Variants in PPARA observed in about 807,000 individuals in gnomAD.
PPARA encodes peroxisome proliferator activated receptor alpha.
In PPARA, 22 loss-of-function variants were observed where a neutral mutation model predicts 42.2. The ratio of observed to expected loss-of-function variants is 0.52; its 90% CI spans 0.37 to 0.74. The LOEUF is 0.74. PPARA is among the 30% of genes least tolerant of loss of function. The probability of loss-of-function intolerance (pLI) is 0.00; values close to 1 mark genes in which losing one functional copy is unlikely to be tolerated. For missense variants in PPARA, 465 were observed against 608.2 expected, an observed-to-expected ratio of 0.76 and a Z score of 2.48; for synonymous variants, 242 against 239.3, an observed-to-expected ratio of 1.01 and a Z score of -0.10.
Position 46,241,532 on chromosome 22 carries a change from C to T in PPARA, c.*6152C>T, listed in dbSNP as rs1419570662. On this transcript the variant is annotated 3_prime_UTR_variant, in exon 9 of 9. Transcript: ENST00000407236. The surrounding 1 kb of genome is among the most constrained non-coding windows in gnomAD (Gnocchi z 5.7). ...TTATCACAAAAAGCCATGTGTGTGG[C>T]CTTATCAGAACAGAAAGAGACAGGC... The T allele has an allele frequency of 6.6e-6, 1 of 152,090 alleles. No homozygotes were observed. Among genetic ancestry groups the T allele is most frequent in the African/African-American group, 2.4e-5 (1 of 41,358 alleles). 9.4% of individuals were successfully genotyped at this position (152,090 alleles called of 1,614,324 possible). A position where few individuals can be genotyped will look rare whatever the true frequency, so the allele number is the denominator to read the frequency against.
rs1400051664 is a variant in PPARA at position 46,221,533 on chromosome 22, C to T, written c.711+1519C>T. 1.3e-5 allele frequency among the ~76,000 whole-genome samples: 2 copies of T among 152,232 alleles called. No homozygotes were observed. Among genetic ancestry groups the T allele is most frequent in the Non-Finnish European group, 2.9e-5 (2 of 68,046 alleles). On this transcript the variant is annotated intron_variant, in intron 7 of 8. Coordinates refer to ENST00000407236, the MANE Select transcript of PPARA (RefSeq NM_005036.6). This position sits in a 1 kb window ranked among gnomAD's most constrained non-coding sequence, Gnocchi z 5.9. ...GCCACTTGTAAGCCAGGCGTGGTGG[C>T]TCACGCCTGTCATCCCAGCACTTTG...
chr22:46,225,412 C>T lies in PPARA; in HGVS notation c.711+5398C>T, dbSNP rs1935339538. Reference sequence around the variant, plus strand: ...TTGACCTGTCAGGGGTTGAGAATGTCGTCAGAAGACTTTGGAGGAAGCAAC... The same window carrying T: ...TTGACCTGTCAGGGGTTGAGAATGTTGTCAGAAGACTTTGGAGGAAGCAAC... On this transcript the variant is annotated intron_variant, in intron 7 of 8. Transcript: ENST00000407236. The surrounding 1 kb of genome is among the most constrained non-coding windows in gnomAD (Gnocchi z 4.1). 6.6e-6 allele frequency among the ~76,000 whole-genome samples: 1 copy of T among 152,088 alleles called. No homozygotes were observed. The highest frequency in any genetic ancestry group is 1.5e-5 in the Non-Finnish European group (1 of 68,018).
chr22:46,172,172 T>C (rs135537), intron 2 of PPARA, among the ~76,000 whole-genome samples: 151,577 of 152,088 alleles, frequency 1, 75,537 homozygotes, highest in Middle Eastern at 1. Flanking sequence ...GGGTTCTCCT[T>C]CAGGTGAGGA....
At position 46,193,972 on chromosome 22, in the gene PPARA, A is replaced by G. The variant is rs926006511; in HGVS notation, c.-42-4370A>G. Among the ~76,000 whole-genome samples, 1 of 152,190 alleles carries G rather than the reference A, an allele frequency of 6.6e-6. No individual in the cohort carries two copies. ...TCTTCTCGATTAGCTGGACAGCGGC[A>G]TGTCATGTGGGTAATAGGAAGGGGT... On this transcript the variant is annotated intron_variant, in intron 3 of 8. Coordinates refer to ENST00000407236, the MANE Select transcript of PPARA (RefSeq NM_005036.6). The surrounding 1 kb of genome is among the most constrained non-coding windows in gnomAD (Gnocchi z 5.3).
rs892197742 is a variant in PPARA at position 46,224,537 on chromosome 22, G to C, written c.711+4523G>C. On this transcript the variant is annotated intron_variant, in intron 7 of 8. Transcript: ENST00000407236. This position sits in a 1 kb window ranked among gnomAD's most constrained non-coding sequence, Gnocchi z 5.7. ...CCCACATGCGGTCGCCGTTTCATCA[G>C]TTTCCAGCCTGGGTGACCTCACAGC... Among the ~76,000 whole-genome samples, 3 of 152,224 alleles carry C rather than the reference G, an allele frequency of 2.0e-5. No homozygotes were observed. Among genetic ancestry groups the C allele is most frequent in the South Asian group, 2.1e-4 (1 of 4,826 alleles).
Position 46,235,122 on chromosome 22 carries a change from T to C in PPARA, c.1160-11T>C. 1 of 1,613,970 alleles carries C rather than the reference T, an allele frequency of 6.2e-7. No individual in the cohort carries two copies. Among genetic ancestry groups the C allele is most frequent in the Non-Finnish European group, 8.5e-7 (1 of 1,179,856 alleles). ...TCACACTCAAACCTCTCTCTCTTCTTTCGAGACTAGATCGTCCTGGCCTTC... is the reference window on the plus strand; with the variant it reads ...TCACACTCAAACCTCTCTCTCTTCTCTCGAGACTAGATCGTCCTGGCCTTC... On this transcript the variant is annotated splice_polypyrimidine_tract_variant and intron_variant, in intron 8 of 8. Transcript: ENST00000407236. The surrounding 1 kb of genome is among the most constrained non-coding windows in gnomAD (Gnocchi z 7.0).
In PPARA at chr22:46,236,854, T is replaced by C. The variant is rs540068248; in HGVS notation, c.*1474T>C. 4 of 152,352 alleles carry C rather than the reference T, an allele frequency of 2.6e-5. No individual in the cohort carries two copies. The East Asian group carries it at 7.7e-4, about 29-fold the overall frequency. The allele number at this position is 152,352 out of a possible 1,614,324, so 9.4% of individuals were successfully genotyped here. A position where few individuals can be genotyped will look rare whatever the true frequency, so the allele number is the denominator to read the frequency against. Reference sequence around the variant, plus strand: ...GGTTTAGGTTGTTAAGTCTCCTTTGTATGTAAGGTAGTTTTTTCAACATCT... The same window carrying C: ...GGTTTAGGTTGTTAAGTCTCCTTTGCATGTAAGGTAGTTTTTTCAACATCT... On this transcript the variant is annotated 3_prime_UTR_variant, in exon 9 of 9. Coordinates refer to ENST00000407236, the MANE Select transcript of PPARA (RefSeq NM_005036.6). The surrounding 1 kb of genome is among the most constrained non-coding windows in gnomAD (Gnocchi z 5.2).
At chr22:46,155,032 A>G (rs1295358974) in intron 2 of PPARA, 1 of 140,388 alleles carries the variant, frequency 7.1e-6, no homozygotes, top group African/African-American at 2.7e-5. Context: ...AAAAAACCAC[A>G]TTAATTAAAA....
At chr22:46,198,251 A>AAAAAAAAG (rs1357897517) in intron 3 of PPARA, 91 bp from the exon 4 acceptor site, 46 of 465,454 alleles carry the variant, frequency 9.9e-5, no homozygotes, top group African/African-American at 2.8e-4. Context: ...AAAAAAAAAA[A>AAAAAAAAG]AAGAATAAAT....
At chr22:46,186,085 G>A (rs1026248887) in intron 3 of PPARA, among the ~76,000 whole-genome samples, 33 of 150,102 alleles carry the variant, frequency 2.2e-4, no homozygotes, top group African/African-American at 7.1e-4. Context: ...AAAAGTTAAA[G>A]GGAAAGGGCC....
In PPARA at chr22:46,170,912, AG is replaced by A. The variant is rs41497148; in HGVS notation, c.-126-5840del. Among the ~76,000 whole-genome samples the A allele has an allele frequency of 3.9e-4, 59 of 151,992 alleles. No homozygotes were observed. In the East Asian group the frequency reaches 8.7e-3, roughly 22 times the overall value. On this transcript the variant is annotated intron_variant, in intron 2 of 8. Coordinates refer to ENST00000407236, the MANE Select transcript of PPARA (RefSeq NM_005036.6). Reference sequence around the variant, plus strand: ...TGCAGTGGTTCACGCCTGTAATCCCAGCACTTTGGGAGGCCGAGACAGCAGA... The same window carrying A: ...TGCAGTGGTTCACGCCTGTAATCCCACACTTTGGGAGGCCGAGACAGCAGA...
chr22:46,197,328 G>T (rs745740230), intron 3 of PPARA, among the ~76,000 whole-genome samples: 2 of 152,086 alleles, frequency 1.3e-5, no homozygotes, highest in Non-Finnish European at 2.9e-5. Flanking sequence ...GGGATTACAG[G>T]TGTGAGCCAC....
In PPARA at chr22:46,200,428, C is replaced by T. The variant is rs534612444; in HGVS notation, c.208+1837C>T. Among the ~76,000 whole-genome samples the T allele has an allele frequency of 7.9e-5, 12 of 152,346 alleles. No individual in the cohort carries two copies. The South Asian group carries it at 1.0e-3, about 13-fold the overall frequency. On this transcript the variant is annotated intron_variant, in intron 4 of 8. Coordinates refer to ENST00000407236, the MANE Select transcript of PPARA (RefSeq NM_005036.6). The surrounding 1 kb of genome is among the most constrained non-coding windows in gnomAD (Gnocchi z 4.8). ...CTGTACAGCGTGTTACTGTACTGAA[C>T]GGCGTAGGCCCCTGTGACACAATGG...
Position 46,235,719 on chromosome 22 carries a change from C to T in PPARA, c.*339C>T, listed in dbSNP as rs1344173453. On this transcript the variant is annotated 3_prime_UTR_variant, in exon 9 of 9. Coordinates refer to ENST00000407236, the MANE Select transcript of PPARA (RefSeq NM_005036.6). The surrounding 1 kb of genome is among the most constrained non-coding windows in gnomAD (Gnocchi z 7.0). ...ATTTACCATTTAATTAACTGGTAACCTCAAAATTCGTGGCCTGTCTTCCCA... is the reference window on the plus strand; with the variant it reads ...ATTTACCATTTAATTAACTGGTAACTTCAAAATTCGTGGCCTGTCTTCCCA... The T allele has an allele frequency of 2.9e-6, 1 of 346,342 alleles. No homozygotes were observed. Among genetic ancestry groups the T allele is most frequent in the African/African-American group, 2.1e-5 (1 of 47,494 alleles). 21.5% of individuals were successfully genotyped at this position (346,342 alleles called of 1,614,324 possible). A position where few individuals can be genotyped will look rare whatever the true frequency, so the allele number is the denominator to read the frequency against.
At chr22:46,194,105 G>A (rs1931907177) in intron 3 of PPARA, among the ~76,000 whole-genome samples, 1 of 152,192 alleles carries the variant, frequency 6.6e-6, no homozygotes, top group Admixed American at 6.5e-5. Flanking sequence ...GCAGGTGCCC[G>A]TTTGGCCTCT....
chr22:46,199,494 A>G (rs1033193802), intron 4 of PPARA, among the ~76,000 whole-genome samples: 1 of 152,026 alleles, frequency 6.6e-6, no homozygotes, highest in African/African-American at 2.4e-5. Flanking sequence ...ATTAAAAAAA[A>G]TTAGCCAGGC....
rs1555935169 is a variant in PPARA, at chr22:46,174,249, AGAAG to A, written c.-126-2480_-126-2477del. 7.6e-4 allele frequency among the ~76,000 whole-genome samples: 9 copies of A among 11,880 alleles called. 1 individual carries two copies. The highest frequency in any genetic ancestry group is 4.1e-3 in the Non-Finnish European group (8 of 1,936). 7.8% of individuals were successfully genotyped at this position (11,880 alleles called of 152,430 possible). On this transcript the variant is annotated intron_variant, in intron 2 of 8. Coordinates refer to ENST00000407236, the MANE Select transcript of PPARA (RefSeq NM_005036.6). ...AAGAAAGAGAGAGAGAAAGAAAGAA[AGAAG>A]GAAGGAAGGAAGGAAGGAAGGAAAT... is the stretch of plus-strand genomic sequence containing the variant.
Position 46,215,186 on chromosome 22 carries a change from A to C in PPARA, c.222A>C (p.Pro74=), listed in dbSNP as rs762899167. ...CTTTTTCCCCAGACACGCTTTCACCAGCTTCGAGCCCCTCCTCGGTGACTT... is the reference window on the plus strand; with the variant it reads ...CTTTTTCCCCAGACACGCTTTCACCCGCTTCGAGCCCCTCCTCGGTGACTT... The part of the protein sequence containing the change: ...DGSVITDTLS[P]ASSPSSVTYP... Residue 74 remains proline, a synonymous_variant, in exon 5 of 9, where the codon CCA becomes CCC. Coordinates refer to ENST00000407236, the MANE Select transcript of PPARA (RefSeq NM_005036.6). 3 of 1,614,012 alleles carry C rather than the reference A, an allele frequency of 1.9e-6. No individual in the cohort carries two copies. The highest frequency in any genetic ancestry group is 2.5e-6 in the Non-Finnish European group (3 of 1,180,018).
In PPARA at chr22:46,150,815, C is replaced by G. The variant is rs1032271561; in HGVS notation, c.-210+163C>G. On this transcript the variant is annotated intron_variant, in intron 1 of 8. Coordinates refer to ENST00000407236, the MANE Select transcript of PPARA (RefSeq NM_005036.6). This position sits in a 1 kb window ranked among gnomAD's most constrained non-coding sequence, Gnocchi z 7.5. ...CTCGGGGTCTCCGGGTCCCGGGGAC[C>G]CGGGGGCCCGGGGTGCGCGGCTGGG... 2 of 150,874 alleles carry G rather than the reference C, an allele frequency of 1.3e-5. No homozygotes were observed. Among genetic ancestry groups the G allele is most frequent in the African/African-American group, 4.9e-5 (2 of 41,078 alleles). 9.3% of individuals were successfully genotyped at this position (150,874 alleles called of 1,614,324 possible). A position where few individuals can be genotyped will look rare whatever the true frequency, so the allele number is the denominator to read the frequency against.
Sources: gnomAD v4.1 joint callset for allele counts (sites outside exome capture counted in the v4.1 genomes callset) on GRCh38, gnomAD v4.1.1 for gene constraint, Gnocchi (gnomAD v3.1) non-coding constraint, MANE v1.5 for transcripts, NCBI Gene and HGNC (gene_info 2026-07-23, HGNC 2026-07-21) for gene names.